The following CCNY variants were observed in gnomAD, a reference collection of about 807,000 sequenced individuals.
CCNY encodes the protein cyclin-Y.
Under a neutral mutation model 42.8 loss-of-function variants are expected in CCNY, and 19 were observed. The observed-to-expected ratio is 0.44, with a 90% confidence interval of 0.31 to 0.65. The LOEUF (loss-of-function observed/expected upper bound fraction) is 0.65, where lower values mean the gene tolerates loss of function less well. CCNY is among the 30% of genes least tolerant of loss of function. The pLI, the probability that CCNY is intolerant of heterozygous loss-of-function variation, is 0.07. For missense variants in CCNY, 370 were observed against 437.3 expected, an observed-to-expected ratio of 0.85 and a Z score of 1.37; for synonymous variants, 165 against 162.7, an observed-to-expected ratio of 1.01 and a Z score of -0.11.
rs900567479 is a variant in CCNY, at chr10:35,478,703, C to A, written c.155-4701C>A. Among the ~76,000 whole-genome samples the A allele has an allele frequency of 2.6e-5, 4 of 152,282 alleles. No individual in the cohort carries two copies. In the East Asian group the frequency reaches 7.7e-4, roughly 29 times the overall value. Reference sequence around the variant, plus strand: ...TAAAAACCCTAGAAGAAAACCTAGGCAATACCATTCAGGACATAGGCATGG... The same window carrying A: ...TAAAAACCCTAGAAGAAAACCTAGGAAATACCATTCAGGACATAGGCATGG... On this transcript the variant is annotated intron_variant, in intron 1 of 9. Transcript: ENST00000374704.
chr10:35,352,406 C>G (rs1449884217), intron 1 of CCNY, among the ~76,000 whole-genome samples: 1 of 152,128 alleles, frequency 6.6e-6, no homozygotes, highest in Non-Finnish European at 1.5e-5. Context: ...ATTAACTAGG[C>G]AAGTAGTTGG....
Position 35,337,201 on chromosome 10 carries a change from A to G in CCNY, c.148A>G (p.Ile50Val), listed in dbSNP as rs750386341. 1.9e-6 allele frequency: 3 copies of G among 1,549,052 alleles called. No homozygotes were observed. Among genetic ancestry groups the G allele is most frequent in the Non-Finnish European group, 2.6e-6 (3 of 1,147,940 alleles). ...NLQHISDREN[I>V]DDLNMEFNPS... Reference sequence around the variant, plus strand: ...GCAGCACATCAGCGACCGGGAGAACATAGACGGTGAGTGCGGCCCGCCGAG... The same window carrying G: ...GCAGCACATCAGCGACCGGGAGAACGTAGACGGTGAGTGCGGCCCGCCGAG... The change falls in exon 1 of 10, where the codon ATA becomes GTA. Residue 50 changes from isoleucine to valine, a missense_variant. By Grantham distance (29) the Ile-to-Val change is conservative. This residue lies in a region of CCNY where 136 missense variants were observed against 124.2 expected (regional missense o/e 1.09). Coordinates refer to ENST00000374704, the MANE Select transcript of CCNY (RefSeq NM_145012.6).
intron 5 of CCNY, among the ~76,000 whole-genome samples, chr10:35,529,009 A>G (rs963085943): frequency 4.6e-5 from 7 of 152,222 alleles, no homozygotes; most frequent in South Asian, 2.1e-4. Flanking sequence ...TAAATTTCAT[A>G]TAACAGATGA....
intron 7 of CCNY, among the ~76,000 whole-genome samples, chr10:35,544,688 C>G (rs1841076067): frequency 6.6e-6 from 1 of 152,238 alleles, no homozygotes; most frequent in South Asian, 2.1e-4. Flanking sequence ...AGAAGGAAAG[C>G]AGGCTCAGCA....
intron 9 of CCNY, among the ~76,000 whole-genome samples, chr10:35,567,490 C>T (rs1185070592): frequency 6.6e-6 from 1 of 152,150 alleles, no homozygotes; most frequent in African/African-American, 2.4e-5. Flanking sequence ...CCAATCCTGC[C>T]TTGGTCTCAT....
intron 3 of CCNY, among the ~76,000 whole-genome samples, chr10:35,320,460 C>T (rs901717026): frequency 3.9e-5 from 6 of 152,142 alleles, no homozygotes; most frequent in African/African-American, 1.4e-4. Context: ...TAGAAGGGAC[C>T]TTCTTCATCC....
At position 35,368,680 on chromosome 10, in the gene CCNY, A is replaced by G. The variant is rs114712310; in HGVS notation, c.154+31473A>G. 4.7e-3 allele frequency among the ~76,000 whole-genome samples: 644 copies of G among 137,382 alleles called. 2 individuals are homozygous for G. The highest frequency in any genetic ancestry group is 0.018 in the African/African-American group (593 of 33,294). 90.1% of individuals were successfully genotyped at this position (137,382 alleles called of 152,430 possible). A position where few individuals can be genotyped will look rare whatever the true frequency, so the allele number is the denominator to read the frequency against. ...GACTCCCTCCGGCATTGACTGCTCTATAGCCCGGCCCCAGGCGTCAGGGCA... is the reference window on the plus strand; with the variant it reads ...GACTCCCTCCGGCATTGACTGCTCTGTAGCCCGGCCCCAGGCGTCAGGGCA... On this transcript the variant is annotated intron_variant, in intron 1 of 9. Coordinates refer to ENST00000374704, the MANE Select transcript of CCNY (RefSeq NM_145012.6).
intron 9 of CCNY, among the ~76,000 whole-genome samples, chr10:35,567,576 C>T (rs898879885): frequency 3.3e-5 from 5 of 152,380 alleles, no homozygotes; most frequent in East Asian, 3.9e-4. Context: ...GCCCACACCA[C>T]TGCCCATCCC....
At chr10:35,396,542 T>C (rs1294566040) in intron 1 of CCNY, among the ~76,000 whole-genome samples, 2 of 152,264 alleles carry the variant, frequency 1.3e-5, no homozygotes, top group Non-Finnish European at 2.9e-5. Flanking sequence ...ATGTTCTCAC[T>C]GACTCTGAAA....
At chr10:35,394,465 C>A (rs1188062170) in intron 1 of CCNY, among the ~76,000 whole-genome samples, 1 of 152,128 alleles carries the variant, frequency 6.6e-6, no homozygotes, top group African/African-American at 2.4e-5. Flanking sequence ...TTGAGTAACT[C>A]ACATTTGTTT....
intron 4 of CCNY, among the ~76,000 whole-genome samples, chr10:35,519,766 C>CTT (rs1840506474): frequency 9.0e-6 from 1 of 111,252 alleles, no homozygotes; most frequent in African/African-American, 3.6e-5. Flanking sequence ...TCTTCTTTTT[C>CTT]TTTTCTTTTC....
At chr10:35,492,079 C>T (rs1337293479) in intron 2 of CCNY, among the ~76,000 whole-genome samples, 3 of 151,932 alleles carry the variant, frequency 2.0e-5, no homozygotes, top group Admixed American at 1.3e-4. Flanking sequence ...CAGTCTGTGG[C>T]GAGCCCCTTC....
At chr10:35,308,944 T>C (rs1835649045) in intron 3 of CCNY, among the ~76,000 whole-genome samples, 1 of 152,076 alleles carries the variant, frequency 6.6e-6, no homozygotes, top group Non-Finnish European at 1.5e-5. Context: ...GCCTCAGCAG[T>C]CCTGAAAATA....
At chr10:35,391,485 G>A (rs897652562) in intron 1 of CCNY, among the ~76,000 whole-genome samples, 10 of 152,178 alleles carry the variant, frequency 6.6e-5, no homozygotes, top group African/African-American at 2.2e-4. Context: ...TACTGATTAG[G>A]ACTGGCCGGA....
At position 35,419,036 on chromosome 10, in the gene CCNY, G is replaced by A. The variant is rs138142630; in HGVS notation, c.155-64368G>A. ...GGGTTTCACCATGTTGGCCAGGCTG[G>A]TCTTGAATTCCTGACCTCGTGATCA... On this transcript the variant is annotated intron_variant, in intron 1 of 9. Coordinates refer to ENST00000374704, the MANE Select transcript of CCNY (RefSeq NM_145012.6). Among the ~76,000 whole-genome samples the A allele has an allele frequency of 2.2e-3, 337 of 152,134 alleles. 1 individual carries two copies. The highest frequency in any genetic ancestry group is 7.7e-3 in the African/African-American group (321 of 41,498).
At chr10:35,472,689 T>C (rs911362428) in intron 1 of CCNY, among the ~76,000 whole-genome samples, 1 of 152,200 alleles carries the variant, frequency 6.6e-6, no homozygotes, top group East Asian at 1.9e-4. Context: ...TCTAATGAAA[T>C]GCTAATTTAT....
intron 3 of CCNY, among the ~76,000 whole-genome samples, chr10:35,312,324 T>C (rs1474589682): frequency 7.6e-6 from 1 of 132,426 alleles, no homozygotes; most frequent in African/African-American, 3.0e-5. Context: ...GAGCTTGCAG[T>C]GAGCCGAGAT....
intron 3 of CCNY, among the ~76,000 whole-genome samples, chr10:35,308,193 C>T (rs188003866): frequency 3.3e-5 from 5 of 151,916 alleles, no homozygotes; most frequent in Admixed American, 3.3e-4. Context: ...AGCACTAACA[C>T]ATGGCAGAGC....
chr10:35,511,442 G>T (rs545751795), intron 3 of CCNY, among the ~76,000 whole-genome samples: 1 of 152,300 alleles, frequency 6.6e-6, no homozygotes, highest in African/African-American at 2.4e-5. Flanking sequence ...AGGAAGCACT[G>T]TCAGCAGAGT....
Sources: gnomAD v4.1 joint callset for allele counts (sites outside exome capture counted in the v4.1 genomes callset) on GRCh38, gnomAD v4.1.1 for gene constraint, gnomAD v4.1.1 regional missense constraint, MANE v1.5 for transcripts, NCBI Gene and HGNC (gene_info 2026-07-23, HGNC 2026-07-21) for gene names.